Variants in AAK1 observed in about 807,000 individuals in gnomAD.
The protein encoded by AAK1 is AP2 associated kinase 1.
In AAK1, 37 loss-of-function variants were observed where a neutral mutation model predicts 116.0. The ratio of observed to expected loss-of-function variants is 0.32; its 90% CI spans 0.25 to 0.42. The LOEUF is 0.42. AAK1 is among the 10% of genes least tolerant of loss of function. The probability of loss-of-function intolerance (pLI) is 1.00; values close to 1 mark genes in which losing one functional copy is unlikely to be tolerated. For missense variants in AAK1, 919 were observed against 1,170.6 expected, an observed-to-expected ratio of 0.79 and a Z score of 3.14; for synonymous variants, 458 against 439.9, an observed-to-expected ratio of 1.04 and a Z score of -0.51.
chr2:69,586,960 T>C (rs1041638210), intron 2 of AAK1, among the ~76,000 whole-genome samples: 4 of 152,128 alleles, frequency 2.6e-5, no homozygotes, highest in African/African-American at 9.7e-5. Context: ...AATGCAGTAA[T>C]CTTCTAATCT....
intron 20 of AAK1, among the ~76,000 whole-genome samples, chr2:69,477,222 G>T (rs189563390): frequency 2.6e-5 from 4 of 152,244 alleles, no homozygotes; most frequent in African/African-American, 9.6e-5. Context: ...AGGGAAAAGG[G>T]TTCTTGGAAG....
At chr2:69,511,549 T>A (rs1020714372) in intron 13 of AAK1, among the ~76,000 whole-genome samples, 3 of 152,052 alleles carry the variant, frequency 2.0e-5, no homozygotes, top group South Asian at 2.1e-4. Context: ...CTACCACACA[T>A]AGGGGTCAGA....
At chr2:69,517,940 A>T (rs561283608) in intron 12 of AAK1, among the ~76,000 whole-genome samples, 1 of 152,292 alleles carries the variant, frequency 6.6e-6, no homozygotes, top group East Asian at 1.9e-4. Flanking sequence ...AGCCTGGGCA[A>T]AATAACGAGA....
chr2:69,604,711 C>T (rs1440004995), intron 2 of AAK1, among the ~76,000 whole-genome samples: 2 of 152,026 alleles, frequency 1.3e-5, no homozygotes, highest in African/African-American at 2.4e-5. Context: ...AAGTGGCAAG[C>T]GGTCCAGTGG....
At chr2:69,563,212 G>A (rs1671720011) in intron 2 of AAK1, among the ~76,000 whole-genome samples, 1 of 152,188 alleles carries the variant, frequency 6.6e-6, no homozygotes, top group Non-Finnish European at 1.5e-5. Flanking sequence ...GGTAGAGGGT[G>A]CCAAGTCCCA....
rs1325951376 is a variant in AAK1, at chr2:69,460,908, A to G, written c.*14961T>C. The G allele has an allele frequency of 6.6e-6, 1 of 152,242 alleles. No homozygotes were observed. Among genetic ancestry groups the G allele is most frequent in the African/African-American group, 2.4e-5 (1 of 41,468 alleles). The allele number at this position is 152,242 out of a possible 1,614,324, so 9.4% of individuals were successfully genotyped here. On this transcript the variant is annotated 3_prime_UTR_variant, in exon 22 of 22. Coordinates refer to ENST00000409085, the MANE Select transcript of AAK1 (RefSeq NM_014911.5). ...CAATGCATGTGTGGCTCGATGGTTT[A>G]GGAATAAATATATTCTGGCTCAATG...
intron 2 of AAK1, among the ~76,000 whole-genome samples, chr2:69,566,076 GGA>G (rs1662472214): frequency 2.6e-5 from 4 of 152,180 alleles, no homozygotes; most frequent in Admixed American, 1.3e-4. Flanking sequence ...TATTCAAGTG[GGA>G]GAGTGTCCTC....
chr2:69,470,285 A>C lies in AAK1; in HGVS notation c.*5584T>G. 1.0e-6 allele frequency: 1 copy of C among 985,488 alleles called. No individual in the cohort carries two copies. Among genetic ancestry groups the C allele is most frequent in the Non-Finnish European group, 1.2e-6 (1 of 829,944 alleles). 61.0% of individuals were successfully genotyped at this position (985,488 alleles called of 1,614,324 possible). The stretch of plus-strand genomic sequence containing the variant: ...GCCTTCTCACATATAGTTAGTAAAC[A>C]GAAAGCAAAATATCCCTTCACAAGA... On this transcript the variant is annotated 3_prime_UTR_variant, in exon 22 of 22. Transcript: ENST00000409085.
chr2:69,469,676 G>A lies in AAK1; in HGVS notation c.*6193C>T. On this transcript the variant is annotated 3_prime_UTR_variant, in exon 22 of 22. Coordinates refer to ENST00000409085, the MANE Select transcript of AAK1 (RefSeq NM_014911.5). ...GGCCTGGCTTCATAGTCTGCACAGG[G>A]TCTTACTTATCATAGAGCCTAACGT... is the stretch of plus-strand genomic sequence containing the variant. 1 of 985,436 alleles carries A rather than the reference G, an allele frequency of 1.0e-6. No homozygotes were observed. The highest frequency in any genetic ancestry group is 1.2e-6 in the Non-Finnish European group (1 of 829,928). The allele number at this position is 985,436 out of a possible 1,614,324, so 61.0% of individuals were successfully genotyped here. A position where few individuals can be genotyped will look rare whatever the true frequency, so the allele number is the denominator to read the frequency against.
intron 2 of AAK1, among the ~76,000 whole-genome samples, chr2:69,584,817 A>C (rs925127864): frequency 5.3e-5 from 8 of 152,140 alleles, no homozygotes; most frequent in Middle Eastern, 3.2e-3. Flanking sequence ...TCGATTACTC[A>C]CCAGGAAATC....
At chr2:69,632,050 G>C (rs1351947625) in intron 2 of AAK1, among the ~76,000 whole-genome samples, 1 of 151,918 alleles carries the variant, frequency 6.6e-6, no homozygotes, top group African/African-American at 2.4e-5. Context: ...GGAGAAAGGA[G>C]GTATAAAATG....
chr2:69,581,272 C>T (rs934579118), intron 2 of AAK1, among the ~76,000 whole-genome samples: 19 of 152,268 alleles, frequency 1.2e-4, no homozygotes, highest in Admixed American at 1.2e-3. Context: ...CGCCACCACA[C>T]CCAGCTAATT....
Position 69,472,911 on chromosome 2 carries a change from G to T in AAK1, c.*2958C>A. On this transcript the variant is annotated 3_prime_UTR_variant, in exon 22 of 22. Coordinates refer to ENST00000409085, the MANE Select transcript of AAK1 (RefSeq NM_014911.5). Reference sequence around the variant, plus strand: ...TTTAGGCTTCTATTCAGATAATCAAGAAAGAGCAAGTTAGTAAAAGCCCAT... The same window carrying T: ...TTTAGGCTTCTATTCAGATAATCAATAAAGAGCAAGTTAGTAAAAGCCCAT... The T allele has an allele frequency of 3.0e-6, 3 of 985,728 alleles. No homozygotes were observed. The highest frequency in any genetic ancestry group is 3.6e-6 in the Non-Finnish European group (3 of 829,826). The allele number at this position is 985,728 out of a possible 1,614,324, so 61.1% of individuals were successfully genotyped here.
chr2:69,520,972 G>C lies in AAK1; in HGVS notation c.1072C>G (p.Pro358Ala). The change falls in exon 11 of 22, where the codon CCC (proline) becomes GCC (alanine). Residue 358 changes from proline to alanine, a missense_variant. By Grantham distance (27) the Pro-to-Ala change is conservative. Around this residue, in one of 4 missense-constraint regions of AAK1, gnomAD observed 317 missense variants for 490.4 expected, o/e 0.65. Transcript: ENST00000409085. Reference sequence around the variant, plus strand: ...GGTGCAATTGAAGTCTCTGTGGTGGGAATGGGATCTGTCAGTCTAGAAAGG... The same window carrying C: ...GGTGCAATTGAAGTCTCTGTGGTGGCAATGGGATCTGTCAGTCTAGAAAGG... ...QPKARLTDPIPTTETSIAPRQ... is the reference protein window; with the variant it reads ...QPKARLTDPIATTETSIAPRQ... 6.2e-7 allele frequency: 1 copy of C among 1,613,968 alleles called. No individual in the cohort carries two copies. Among genetic ancestry groups the C allele is most frequent in the Non-Finnish European group, 8.5e-7 (1 of 1,179,854 alleles).
At chr2:69,572,752 A>G (rs537581330) in intron 2 of AAK1, among the ~76,000 whole-genome samples, 2 of 152,106 alleles carry the variant, frequency 1.3e-5, no homozygotes, top group Non-Finnish European at 2.9e-5. Context: ...TGCTGTATGC[A>G]CAAGAGAGAA....
intron 4 of AAK1, among the ~76,000 whole-genome samples, chr2:69,543,291 C>T (rs371631027): frequency 3.9e-5 from 6 of 152,116 alleles, no homozygotes; most frequent in East Asian, 1.9e-4. Flanking sequence ...AGGAAACAAA[C>T]GGTCAAGTTC....
intron 5 of AAK1, among the ~76,000 whole-genome samples, chr2:69,541,222 T>C (rs1670703646): frequency 6.7e-6 from 1 of 148,690 alleles, no homozygotes; most frequent in African/African-American, 2.6e-5. Flanking sequence ...CTGAATTTTA[T>C]ACTTCTTTTT....
chr2:69,557,735 A>AT (rs1671446306), intron 2 of AAK1, among the ~76,000 whole-genome samples: 1 of 152,238 alleles, frequency 6.6e-6, no homozygotes, highest in Non-Finnish European at 1.5e-5. Context: ...TTTTAAAAGC[A>AT]TAAGTGGAGC....
chr2:69,470,831 T>C lies in AAK1; in HGVS notation c.*5038A>G, dbSNP rs1674651335. ...AGGTACTTATTGTCACTCAATACTG[T>C]GATTAAATCCTTTCTGCAAAAAAGT... On this transcript the variant is annotated 3_prime_UTR_variant, in exon 22 of 22. Coordinates refer to ENST00000409085, the MANE Select transcript of AAK1 (RefSeq NM_014911.5). 8.1e-6 allele frequency: 8 copies of C among 985,596 alleles called. No individual in the cohort carries two copies. The highest frequency in any genetic ancestry group is 9.6e-6 in the Non-Finnish European group (8 of 829,656). The allele number at this position is 985,596 out of a possible 1,614,324, so 61.1% of individuals were successfully genotyped here. A position where few individuals can be genotyped will look rare whatever the true frequency, so the allele number is the denominator to read the frequency against.
Sources: gnomAD v4.1 joint callset for allele counts (sites outside exome capture counted in the v4.1 genomes callset) on GRCh38, gnomAD v4.1.1 for gene constraint, gnomAD v4.1.1 regional missense constraint, MANE v1.5 for transcripts, NCBI Gene and HGNC (gene_info 2026-07-23, HGNC 2026-07-21) for gene names.